Variants in PRR5L observed in about 807,000 individuals in gnomAD.
PRR5L encodes proline rich 5 like, also known as proline-rich protein 5-like.
Under a neutral mutation model 36.4 loss-of-function variants are expected in PRR5L, and 21 were observed. That is an observed-to-expected ratio of 0.58 (90% CI 0.41 to 0.83). The LOEUF (loss-of-function observed/expected upper bound fraction) is 0.83, where lower values mean the gene tolerates loss of function less well. PRR5L is among the 40% of genes least tolerant of loss of function. The probability of loss-of-function intolerance (pLI) is 0.00; values close to 1 mark genes in which losing one functional copy is unlikely to be tolerated. For synonymous variants in PRR5L, 188 were observed against 197.0 expected (o/e 0.95, Z 0.38); for missense variants, 381 against 473.3 (o/e 0.80, Z 1.81).
chr11:36,379,533 G>A (rs1326262343), intron 1 of PRR5L: 1 of 152,218 alleles, frequency 6.6e-6, no homozygotes, highest in Non-Finnish European at 1.5e-5. Flanking sequence ...AATGCTTGTA[G>A]AAATGACCCT....
At chr11:36,438,381 C>G (rs969500316) in intron 6 of PRR5L, among the ~76,000 whole-genome samples, 8 of 152,188 alleles carry the variant, frequency 5.3e-5, no homozygotes, top group African/African-American at 1.9e-4. Flanking sequence ...GGTAGAATGA[C>G]CTTATACCAC....
At chr11:36,302,688 G>C (rs1481570672) in intron 1 of PRR5L, among the ~76,000 whole-genome samples, 1 of 152,216 alleles carries the variant, frequency 6.6e-6, no homozygotes, top group East Asian at 1.9e-4. Flanking sequence ...TCGGGAGGCT[G>C]AGGCACGAGA....
chr11:36,384,213 T>G (rs1377187005), intron 1 of PRR5L, among the ~76,000 whole-genome samples: 1 of 152,218 alleles, frequency 6.6e-6, no homozygotes, highest in Admixed American at 6.5e-5. Flanking sequence ...CCCATATTCT[T>G]TAGTGTTATG....
intron 3 of PRR5L, among the ~76,000 whole-genome samples, chr11:36,403,736 T>G (rs766283657): frequency 2.0e-5 from 3 of 152,122 alleles, no homozygotes; most frequent in Non-Finnish European, 4.4e-5. Flanking sequence ...CTGCTTGAGG[T>G]TTTATTGTGT....
chr11:36,404,917 C>T (rs1429506137), intron 3 of PRR5L, among the ~76,000 whole-genome samples: 2 of 152,154 alleles, frequency 1.3e-5, no homozygotes, highest in Non-Finnish European at 2.9e-5. Flanking sequence ...GTGGGGTCAG[C>T]CAACACACAC....
At chr11:36,342,798 G>T (rs529855865) in intron 1 of PRR5L, among the ~76,000 whole-genome samples, 1 of 151,918 alleles carries the variant, frequency 6.6e-6, no homozygotes, top group African/African-American at 2.4e-5. Flanking sequence ...AAATATAGCC[G>T]CACTTTAGAA....
intron 8 of PRR5L, among the ~76,000 whole-genome samples, chr11:36,452,091 A>T (rs117367331): frequency 0.018 from 2,785 of 152,246 alleles, 47 homozygotes; most frequent in Non-Finnish European, 0.03. Flanking sequence ...ATAATAAAAA[A>T]CCCAGTTATT....
At position 36,351,585 on chromosome 11, in the gene PRR5L, A is replaced by ATTTATATATT. The variant is rs1856962858; in HGVS notation, c.-125-49410_-125-49401dup. On this transcript the variant is annotated intron_variant, in intron 1 of 8. Coordinates refer to ENST00000530639, the MANE Select transcript of PRR5L (RefSeq NM_001160167.2). ...TATTTATATATTTATATAAATATAT[A>ATTTATATATT]TTTATATATTTATATAAATATATAT... 5.8e-4 allele frequency among the ~76,000 whole-genome samples: 11 copies of ATTTATATATT among 18,882 alleles called. 1 individual carries two copies. The highest frequency in any genetic ancestry group is 2.6e-3 in the African/African-American group (11 of 4,182). The allele number at this position is 18,882 out of a possible 152,430, so 12.4% of individuals were successfully genotyped here. A position where few individuals can be genotyped will look rare whatever the true frequency, so the allele number is the denominator to read the frequency against.
At position 36,426,810 on chromosome 11, in the gene PRR5L, C is replaced by T. The variant is rs567785912; in HGVS notation, c.295-5043C>T. ...ATCACCACTAAAACATTAAAAGGGA[C>T]GGTAGCTAGCAGCCTTAGTGTTTAC... On this transcript the variant is annotated intron_variant, in intron 4 of 8. Coordinates refer to ENST00000530639, the MANE Select transcript of PRR5L (RefSeq NM_001160167.2). Among the ~76,000 whole-genome samples, 139 of 152,348 alleles carry T rather than the reference C, an allele frequency of 9.1e-4. 1 individual carries two copies. The highest frequency in any genetic ancestry group is 1.7e-3 in the Non-Finnish European group (114 of 68,020).
chr11:36,411,063 TA>T (rs1241387934), intron 3 of PRR5L, among the ~76,000 whole-genome samples: 1 of 152,224 alleles, frequency 6.6e-6, no homozygotes, highest in East Asian at 1.9e-4. Flanking sequence ...TCATCTTGGC[TA>T]ACCTGCAGCA....
chr11:36,411,498 T>C lies in PRR5L; in HGVS notation c.246-7757T>C, dbSNP rs527783668. ...GTTATGGCTCCTTTTGGCTTCTGGC[T>C]GAACTTCACGCCCAGTTTCTCATTT... On this transcript the variant is annotated intron_variant, in intron 3 of 8. Coordinates refer to ENST00000530639, the MANE Select transcript of PRR5L (RefSeq NM_001160167.2). Among the ~76,000 whole-genome samples the C allele has an allele frequency of 7.0e-4, 106 of 152,274 alleles. 1 individual carries two copies. Among genetic ancestry groups the C allele is most frequent in the Middle Eastern group, 3.4e-3 (1 of 294 alleles).
chr11:36,365,207 T>A (rs1444038019), intron 1 of PRR5L, among the ~76,000 whole-genome samples: 1 of 152,214 alleles, frequency 6.6e-6, no homozygotes, highest in Non-Finnish European at 1.5e-5. Context: ...GGAATGATCG[T>A]TCAAGTTTAC....
chr11:36,376,698 C>T (rs2133519248), intron 1 of PRR5L: 2 of 989,254 alleles, frequency 2.0e-6, no homozygotes, highest in South Asian at 4.6e-5. Context: ...CCGGGGACCC[C>T]AAGGAGGTGA....
chr11:36,414,655 T>G (rs1477090298), intron 3 of PRR5L, among the ~76,000 whole-genome samples: 8 of 144,348 alleles, frequency 5.5e-5, no homozygotes, highest in Non-Finnish European at 1.1e-4. Flanking sequence ...TCTCCCATTT[T>G]GTAGGTTGCC....
intron 6 of PRR5L, among the ~76,000 whole-genome samples, chr11:36,438,174 G>T (rs556998200): frequency 1.3e-5 from 2 of 152,190 alleles, no homozygotes; most frequent in African/African-American, 4.8e-5. Context: ...CTAATACCAC[G>T]ATGGTCACTG....
At chr11:36,366,090 T>C (rs1320864289) in intron 1 of PRR5L, among the ~76,000 whole-genome samples, 3 of 152,222 alleles carry the variant, frequency 2.0e-5, no homozygotes, top group African/African-American at 4.8e-5. Context: ...TCTTCCTTAA[T>C]TGGGAGGTCA....
intron 4 of PRR5L, among the ~76,000 whole-genome samples, chr11:36,423,257 G>A (rs1182234644): frequency 6.6e-6 from 1 of 152,188 alleles, no homozygotes; most frequent in African/African-American, 2.4e-5. Context: ...ATGTGTACGT[G>A]TGTGTGCATG....
intron 1 of PRR5L, among the ~76,000 whole-genome samples, chr11:36,312,186 A>G (rs572807174): frequency 6.6e-6 from 1 of 152,270 alleles, no homozygotes; most frequent in African/African-American, 2.4e-5. Context: ...TATTCCCTGT[A>G]TCTACCTAGA....
At chr11:36,437,561 A>C (rs1858630787) in intron 6 of PRR5L, 85 bp downstream of exon 6, 3 of 789,850 alleles carry the variant, frequency 3.8e-6, no homozygotes, top group Non-Finnish European at 6.2e-6. Context: ...CTCCTGGTAA[A>C]TGGGAGAAAA....
Sources: gnomAD v4.1 joint callset for allele counts (sites outside exome capture counted in the v4.1 genomes callset) on GRCh38, gnomAD v4.1.1 for gene constraint, MANE v1.5 for transcripts, NCBI Gene and HGNC (gene_info 2026-07-23, HGNC 2026-07-21) for gene names.